ZDHHC20: variants seen among roughly 807,000 people sequenced by gnomAD.
The protein encoded by ZDHHC20 is zDHHC palmitoyltransferase 20, also known as palmitoyltransferase ZDHHC20.
Under a neutral mutation model 57.8 loss-of-function variants are expected in ZDHHC20, and 43 were observed. That is an observed-to-expected ratio of 0.74 (90% CI 0.58 to 0.96). The LOEUF (loss-of-function observed/expected upper bound fraction) is 0.96, where lower values mean the gene tolerates loss of function less well. ZDHHC20 is among the 40% of genes least tolerant of loss of function. The probability of loss-of-function intolerance (pLI) is 0.00; values close to 1 mark genes in which losing one functional copy is unlikely to be tolerated. For missense variants in ZDHHC20, 391 were observed against 441.1 expected, an observed-to-expected ratio of 0.89 and a Z score of 1.02; for synonymous variants, 157 against 153.0, an observed-to-expected ratio of 1.03 and a Z score of -0.19.
chr13:21,375,348 GGTGTGT>G lies in ZDHHC20; in HGVS notation c.*1342_*1347del, dbSNP rs146716267. 3 of 348,288 alleles carry G rather than the reference GGTGTGT, an allele frequency of 8.6e-6. No individual in the cohort carries two copies. The highest frequency in any genetic ancestry group is 1.6e-4 in the East Asian group (2 of 12,336). 21.6% of individuals were successfully genotyped at this position (348,288 alleles called of 1,614,324 possible). ...GGAAGCAATCAATTATTTTGGGGGG[GGTGTGT>G]GTGTGTGTGTGTCTGTCTGTCTAAA... On this transcript the variant is annotated 3_prime_UTR_variant, in exon 13 of 13. Transcript: ENST00000400590.
intron 4 of ZDHHC20, among the ~76,000 whole-genome samples, chr13:21,407,208 CTGG>C (rs1878572324): frequency 6.6e-6 from 1 of 152,062 alleles, no homozygotes; most frequent in African/African-American, 2.4e-5. Context: ...GTTGGTCAGG[CTGG>C]TCTCGAACTC....
chr13:21,420,652 G>A (rs1880542723), intron 3 of ZDHHC20, among the ~76,000 whole-genome samples: 1 of 152,198 alleles, frequency 6.6e-6, no homozygotes, highest in East Asian at 1.9e-4. Context: ...GCAAGCAATA[G>A]CCTAGACAAT....
In ZDHHC20 at chr13:21,413,729, A is replaced by T. The variant is rs1016252535; in HGVS notation, c.293T>A (p.Phe98Tyr). 3 of 1,611,734 alleles carry T rather than the reference A, an allele frequency of 1.9e-6. No homozygotes were observed. Among genetic ancestry groups the T allele is most frequent in the Non-Finnish European group, 2.5e-6 (3 of 1,179,028 alleles). The change falls in exon 4 of 13, where the codon TTC (phenylalanine) becomes TAC (tyrosine). Residue 98 changes from phenylalanine (F) to tyrosine (Y), a missense_variant. Physicochemically the swap from Phe to Tyr is conservative, Grantham distance 22. Transcript: ENST00000400590. ...NSEKERYEKE[F>Y]SQERQQEILR... ...AATTTCTTGTTGTCTTTCTTGGCTGAATTCTTTTTCATAACGTTCCTTTTC... is the reference window on the plus strand; with the variant it reads ...AATTTCTTGTTGTCTTTCTTGGCTGTATTCTTTTTCATAACGTTCCTTTTC...
intron 1 of ZDHHC20, among the ~76,000 whole-genome samples, chr13:21,448,352 C>A (rs1312399655): frequency 3.8e-5 from 4 of 105,928 alleles, no homozygotes; most frequent in African/African-American, 6.4e-5. Flanking sequence ...CCAGCCGCCC[C>A]GTCCGGGAGG....
rs569748908 is a variant in ZDHHC20, at chr13:21,380,931, T to C, written c.1060+503A>G. On this transcript the variant is annotated intron_variant, in intron 11 of 12. Transcript: ENST00000400590. Reference sequence around the variant, plus strand: ...GAAAACATGAGCCGCTATACTCTCCTCGCTCTATCCCTTCCTCATAGAAGC... The same window carrying C: ...GAAAACATGAGCCGCTATACTCTCCCCGCTCTATCCCTTCCTCATAGAAGC... 2.0e-5 allele frequency among the ~76,000 whole-genome samples: 3 copies of C among 152,212 alleles called. No homozygotes were observed. The South Asian group carries it at 6.2e-4, about 32-fold the overall frequency.
Position 21,418,492 on chromosome 13 carries a change from A to G in ZDHHC20, c.249+2569T>C, listed in dbSNP as rs369732631. On this transcript the variant is annotated intron_variant, in intron 3 of 12. Transcript: ENST00000400590. ...TATTAATATCTATTATTAATTACAT[A>G]GATTGCTAATTTGCTCAATTATTAT... Among the ~76,000 whole-genome samples, 15 of 150,780 alleles carry G rather than the reference A, an allele frequency of 9.9e-5. No individual in the cohort carries two copies. The East Asian group carries it at 1.9e-3, about 19-fold the overall frequency.
intron 8 of ZDHHC20, among the ~76,000 whole-genome samples, chr13:21,390,781 A>G (rs1166691182): frequency 6.6e-6 from 1 of 151,796 alleles, no homozygotes; most frequent in Non-Finnish European, 1.5e-5. Flanking sequence ...ACACCTGTAG[A>G]CCCAGCTACT....
rs1224536963 is a variant in ZDHHC20 at position 21,434,715 on chromosome 13, G to A, written c.119-9037C>T. Among the ~76,000 whole-genome samples the A allele has an allele frequency of 2.6e-5, 4 of 151,942 alleles. No homozygotes were observed. In the East Asian group the frequency reaches 7.7e-4, roughly 29 times the overall value. On this transcript the variant is annotated intron_variant, in intron 1 of 12. Coordinates refer to ENST00000400590, the MANE Select transcript of ZDHHC20 (RefSeq NM_001330059.2). The stretch of plus-strand genomic sequence containing the variant: ...ATGACTTTTTGAAAAGATCAGGCCA[G>A]ATGTCTTGTGAAATGTCCTACAAAT...
intron 1 of ZDHHC20, among the ~76,000 whole-genome samples, chr13:21,447,239 AG>A (rs745456828): frequency 0.45 from 107 of 240 alleles, no homozygotes; most frequent in Non-Finnish European, 0.46. Flanking sequence ...TCCGAGGCCG[AG>A]GACTCGTCCC....
At chr13:21,418,504 T>A (rs1041716885) in intron 3 of ZDHHC20, among the ~76,000 whole-genome samples, 41 of 152,338 alleles carry the variant, frequency 2.7e-4, no homozygotes, top group African/African-American at 8.7e-4. Context: ...ATTGCTAATT[T>A]GCTCAATTAT....
At chr13:21,441,936 C>T (rs185478621) in intron 1 of ZDHHC20, among the ~76,000 whole-genome samples, 1 of 152,116 alleles carries the variant, frequency 6.6e-6, no homozygotes, top group East Asian at 1.9e-4. Flanking sequence ...TAATTAATTC[C>T]GTCAATACAA....
chr13:21,454,213 C>G lies in ZDHHC20; in HGVS notation c.118+4841G>C, dbSNP rs145762849. ...TGGTGGCACATGCCTATAATCCCAG[C>G]TACTCAAGAGGCTGAGGCAGGAGAA... On this transcript the variant is annotated intron_variant, in intron 1 of 12. Coordinates refer to ENST00000400590, the MANE Select transcript of ZDHHC20 (RefSeq NM_001330059.2). Among the ~76,000 whole-genome samples the G allele has an allele frequency of 2.7e-3, 412 of 152,194 alleles. 2 individuals are homozygous for G. Among genetic ancestry groups the G allele is most frequent in the East Asian group, 0.024 (123 of 5,162 alleles).
chr13:21,436,991 T>C (rs1882619099), intron 1 of ZDHHC20, among the ~76,000 whole-genome samples: 1 of 152,088 alleles, frequency 6.6e-6, no homozygotes, highest in African/African-American at 2.4e-5. Context: ...AAAAAATTAA[T>C]TTTAAAAAAA....
At chr13:21,395,353 A>G (rs1876593444) in intron 7 of ZDHHC20, among the ~76,000 whole-genome samples, 1 of 151,894 alleles carries the variant, frequency 6.6e-6, no homozygotes. Context: ...GGTGTAAGCC[A>G]CCGCGCCCGG....
At position 21,425,592 on chromosome 13, in the gene ZDHHC20, T is replaced by C; in HGVS notation, c.145+60A>G. ...CATGCATTCATCACTAAATAAAAAG[T>C]ATGTTCCAATTAAAATATCATTAAG... On this transcript the variant is annotated intron_variant, in intron 2 of 12. Transcript: ENST00000400590. 3.5e-6 allele frequency: 4 copies of C among 1,132,242 alleles called. No homozygotes were observed. In the South Asian group the frequency reaches 4.9e-5, roughly 14 times the overall value. The allele number at this position is 1,132,242 out of a possible 1,614,324, so 70.1% of individuals were successfully genotyped here.
chr13:21,393,823 C>G (rs1876276905), intron 7 of ZDHHC20, among the ~76,000 whole-genome samples: 1 of 148,826 alleles, frequency 6.7e-6, no homozygotes, highest in Admixed American at 6.7e-5. Flanking sequence ...AAGTGCTGGA[C>G]TACAGGCGTG....
At chr13:21,379,376 G>A (rs550711634) in intron 11 of ZDHHC20, among the ~76,000 whole-genome samples, 1 of 152,068 alleles carries the variant, frequency 6.6e-6, no homozygotes, top group Admixed American at 6.5e-5. Context: ...CAATATCCCA[G>A]GCTCAAGCAA....
intron 4 of ZDHHC20, among the ~76,000 whole-genome samples, chr13:21,409,849 G>A (rs1216349300): frequency 1.3e-5 from 2 of 152,132 alleles, no homozygotes; most frequent in African/African-American, 4.8e-5. Flanking sequence ...TTAGCTCAGC[G>A]GAGTTTATTA....
chr13:21,420,640 C>T (rs1208526897), intron 3 of ZDHHC20, among the ~76,000 whole-genome samples: 1 of 152,222 alleles, frequency 6.6e-6, no homozygotes, highest in Non-Finnish European at 1.5e-5. Context: ...TATTAAAGTG[C>T]AGCAAGCAAT....
Sources: allele counts gnomAD v4.1 joint callset (sites outside exome capture counted in the v4.1 genomes callset), GRCh38; gene constraint gnomAD v4.1.1; transcripts MANE v1.5; gene names NCBI Gene and HGNC (gene_info 2026-07-23, HGNC 2026-07-21).